GFRA1: variants seen among roughly 807,000 people sequenced by gnomAD.
GFRA1 encodes the protein GDNF family receptor alpha 1, also known as GDNF family receptor alpha-1.
GFRA1 carries 16 observed loss-of-function variants against 51.6 expected under a neutral mutation model. The observed-to-expected ratio is 0.31, with a 90% CI of 0.21 to 0.47. The LOEUF is 0.47. Among genes scored for constraint, GFRA1 ranks in the 20% least tolerant of loss-of-function variants. The pLI, the probability that GFRA1 is intolerant of heterozygous loss-of-function variation, is 1.00. For synonymous variants in GFRA1, 270 were observed against 241.3 expected (o/e 1.12, Z -1.10); for missense variants, 530 against 594.3 (o/e 0.89, Z 1.13).
At chr10:116,176,211 G>T (rs776025887) in intron 5 of GFRA1, among the ~76,000 whole-genome samples, 1 of 152,296 alleles carries the variant, frequency 6.6e-6, no homozygotes, top group Admixed American at 6.5e-5. Flanking sequence ...TCTGAAAAAA[G>T]TATGTGACAT....
intron 6 of GFRA1, among the ~76,000 whole-genome samples, chr10:116,106,468 C>G (rs1238816858): frequency 2.0e-5 from 3 of 152,206 alleles, no homozygotes; most frequent in African/African-American, 7.2e-5. Context: ...TGTCCCCACC[C>G]AAATCTCACG....
chr10:116,138,054 G>C (rs553819865), intron 5 of GFRA1, among the ~76,000 whole-genome samples: 1 of 152,236 alleles, frequency 6.6e-6, no homozygotes, highest in Admixed American at 6.5e-5. Context: ...ATCCGCCTCA[G>C]CCTCCCAAAG....
intron 6 of GFRA1, among the ~76,000 whole-genome samples, chr10:116,098,219 C>T (rs1211160160): frequency 1.3e-5 from 2 of 152,208 alleles, no homozygotes; most frequent in African/African-American, 4.8e-5. Flanking sequence ...TATAAGTCTC[C>T]CCAGACAGGG....
chr10:116,147,618 C>T (rs919653494), intron 5 of GFRA1, among the ~76,000 whole-genome samples: 2 of 152,308 alleles, frequency 1.3e-5, no homozygotes, highest in Non-Finnish European at 2.9e-5. Context: ...AGAAAGCTGC[C>T]ACCTGCCATC....
chr10:116,101,995 T>C (rs1402281544), intron 6 of GFRA1, among the ~76,000 whole-genome samples: 5 of 152,252 alleles, frequency 3.3e-5, no homozygotes, highest in Non-Finnish European at 5.9e-5. Context: ...TATTCCATCC[T>C]ACTGTTATGA....
At chr10:116,135,345 A>T (rs1174599985) in intron 5 of GFRA1, among the ~76,000 whole-genome samples, 1 of 152,234 alleles carries the variant, frequency 6.6e-6, no homozygotes, top group African/African-American at 2.4e-5. Context: ...TAAATATTTA[A>T]CTTAGCATTT....
At chr10:116,234,515 A>G (rs1422080551) in intron 4 of GFRA1, among the ~76,000 whole-genome samples, 1 of 152,240 alleles carries the variant, frequency 6.6e-6, no homozygotes, top group African/African-American at 2.4e-5. Context: ...TAGCCAACTC[A>G]TCACAGACGT....
intron 10 of GFRA1, 27 bp from the exon 11 acceptor site, chr10:116,064,571 A>AT: frequency 6.3e-7 from 1 of 1,594,124 alleles, no homozygotes; most frequent in Admixed American, 1.7e-5. Context: ...TTTCATTATC[A>AT]TCCACTGCAT....
At chr10:116,073,817 G>A (rs1159690915) in intron 9 of GFRA1, among the ~76,000 whole-genome samples, 5 of 152,066 alleles carry the variant, frequency 3.3e-5, no homozygotes, top group Non-Finnish European at 5.9e-5. Flanking sequence ...GTGCGGCCCC[G>A]TAATGGCTCT....
intron 5 of GFRA1, among the ~76,000 whole-genome samples, chr10:116,201,090 G>T (rs1030890352): frequency 6.6e-6 from 1 of 152,022 alleles, no homozygotes; most frequent in African/African-American, 2.4e-5. Flanking sequence ...CTGCTGCCTA[G>T]GTTTTTAAAT....
At chr10:116,159,416 C>T (rs1760133457) in intron 5 of GFRA1, among the ~76,000 whole-genome samples, 2 of 152,174 alleles carry the variant, frequency 1.3e-5, no homozygotes, top group Admixed American at 6.5e-5. Context: ...TATATGCTAC[C>T]ATGTAGTGGA....
At chr10:116,174,257 T>C (rs1300862056) in intron 5 of GFRA1, among the ~76,000 whole-genome samples, 1 of 152,208 alleles carries the variant, frequency 6.6e-6, no homozygotes, top group East Asian at 1.9e-4. Context: ...AAATTTGCCA[T>C]GTAACCAAGT....
At chr10:116,085,260 T>A (rs774984098) in intron 9 of GFRA1, among the ~76,000 whole-genome samples, 5 of 152,262 alleles carry the variant, frequency 3.3e-5, no homozygotes, top group Non-Finnish European at 7.3e-5. Context: ...TATTCGTGTT[T>A]CTTCCCTTCC....
At chr10:116,106,245 GAATA>G (rs1161257360) in intron 6 of GFRA1, among the ~76,000 whole-genome samples, 1 of 152,218 alleles carries the variant, frequency 6.6e-6, no homozygotes, top group African/African-American at 2.4e-5. Flanking sequence ...ATCAGTAAGA[GAATA>G]AATGTGTGTT....
intron 9 of GFRA1, among the ~76,000 whole-genome samples, chr10:116,074,636 C>A (rs1955538929): frequency 6.6e-6 from 1 of 152,196 alleles, no homozygotes. Context: ...AGGCAGGGGA[C>A]AGCCACCCTG....
chr10:116,199,244 T>C (rs1964142405), intron 5 of GFRA1, among the ~76,000 whole-genome samples: 3 of 152,222 alleles, frequency 2.0e-5, no homozygotes, highest in Admixed American at 2.0e-4. Flanking sequence ...GTCCAGAGCC[T>C]ACTCTGCAGC....
chr10:116,104,357 C>T (rs1042048296), intron 6 of GFRA1, among the ~76,000 whole-genome samples: 12 of 152,324 alleles, frequency 7.9e-5, no homozygotes, highest in Admixed American at 2.0e-4. Context: ...GGGGCTTCCC[C>T]GATCACTGTT....
Position 116,066,012 on chromosome 10 carries a change from C to T in GFRA1, c.1198-386G>A, listed in dbSNP as rs11197519. Among the ~76,000 whole-genome samples the T allele has an allele frequency of 2.5e-3, 385 of 152,276 alleles. 11 individuals are homozygous for T. In the East Asian group the frequency reaches 0.06, roughly 24 times the overall value. ...CCCAGGACTAGGTTACTAAAGAAAA[C>T]GTTTTGAAGTAATCCCTCATTTCTT... On this transcript the variant is annotated intron_variant, in intron 9 of 10. Coordinates refer to ENST00000355422, the MANE Select transcript of GFRA1 (RefSeq NM_005264.8).
chr10:116,066,077 C>T (rs1448790919), intron 9 of GFRA1, among the ~76,000 whole-genome samples: 2 of 152,166 alleles, frequency 1.3e-5, no homozygotes, highest in African/African-American at 4.8e-5. Flanking sequence ...TAGGTAAAAA[C>T]GTTGCAATAA....
Sources: allele counts gnomAD v4.1 joint callset (sites outside exome capture counted in the v4.1 genomes callset), GRCh38; gene constraint gnomAD v4.1.1; transcripts MANE v1.5; gene names NCBI Gene and HGNC (gene_info 2026-07-23, HGNC 2026-07-21).